The following ASH1L variants were observed in gnomAD, a reference collection of about 807,000 sequenced individuals.
The protein encoded by ASH1L is histone-lysine N-methyltransferase ASH1L.
In ASH1L, 23 loss-of-function variants were observed where a neutral mutation model predicts 269.0. That is an observed-to-expected ratio of 0.09 (90% confidence interval 0.06 to 0.12). The LOEUF is 0.12. Among genes scored for constraint, ASH1L ranks in the 10% least tolerant of loss-of-function variants. ASH1L has a pLI of 1.00. For missense variants in ASH1L, 2,912 were observed against 3,567.8 expected, an observed-to-expected ratio of 0.82 and a Z score of 4.68; for synonymous variants, 1,187 against 1,253.5, an observed-to-expected ratio of 0.95 and a Z score of 1.12.
At chr1:155,458,168 C>A (rs1467132277) in intron 4 of ASH1L, among the ~76,000 whole-genome samples, 3 of 152,168 alleles carry the variant, frequency 2.0e-5, no homozygotes, top group Non-Finnish European at 2.9e-5. Context: ...AAAAACAAAG[C>A]ACCAAGAGAG....
At chr1:155,522,739 T>C (rs1287299344) in intron 1 of ASH1L, among the ~76,000 whole-genome samples, 1 of 150,148 alleles carries the variant, frequency 6.7e-6, no homozygotes, top group East Asian at 2.0e-4. Flanking sequence ...CAGGCTGGAG[T>C]GCAGTGGCGC....
At chr1:155,459,571 C>G (rs72993448) in intron 4 of ASH1L, among the ~76,000 whole-genome samples, 282 of 152,318 alleles carry the variant, frequency 1.9e-3, no homozygotes, top group African/African-American at 6.6e-3. Context: ...CCAACACACA[C>G]TTTTACTTTA....
intron 1 of ASH1L, among the ~76,000 whole-genome samples, chr1:155,526,090 G>A (rs1014269649): frequency 2.0e-5 from 3 of 151,996 alleles, no homozygotes; most frequent in Non-Finnish European, 2.9e-5. Context: ...CACAGATAGG[G>A]AAGGCCAACT....
chr1:155,518,795 G>C (rs1374692092), intron 2 of ASH1L, among the ~76,000 whole-genome samples: 2 of 149,740 alleles, frequency 1.3e-5, no homozygotes, highest in Non-Finnish European at 3.0e-5. Context: ...AGGAGAGGTA[G>C]AGGGGAGACG....
chr1:155,429,429 CA>C (rs1282695310), intron 5 of ASH1L, among the ~76,000 whole-genome samples: 3 of 152,094 alleles, frequency 2.0e-5, no homozygotes, highest in African/African-American at 7.2e-5. Flanking sequence ...TGTGCTACCA[CA>C]ACTGGCTAAC....
At chr1:155,468,566 CTTTA>C (rs1664868308) in intron 3 of ASH1L, among the ~76,000 whole-genome samples, 1 of 151,986 alleles carries the variant, frequency 6.6e-6, no homozygotes, top group African/African-American at 2.4e-5. Context: ...TAGATATTGA[CTTTA>C]TTTTTTAGGT....
rs1288837763 is a variant in ASH1L at position 155,479,148 on chromosome 1, A to T, written c.3722T>A (p.Leu1241Gln). 1 of 1,614,004 alleles carries T rather than the reference A, an allele frequency of 6.2e-7. No individual in the cohort carries two copies. Among genetic ancestry groups the T allele is most frequent in the Admixed American group, 1.7e-5 (1 of 59,998 alleles). The change falls in exon 3 of 28, where the codon CTA (leucine) becomes CAA (glutamine). Residue 1241 changes from leucine to glutamine, a missense_variant. By Grantham distance (113) the Leu-to-Gln change is moderately radical. Around this residue, in one of 13 missense-constraint regions of ASH1L, gnomAD observed 789 missense variants for 897.6 expected, o/e 0.88. Transcript: ENST00000392403. ...TTTATGTTTTTCTTTAAGACTGCTTAGCACTGTAGAGGTTTCAGGGGGAAT... is the reference window on the plus strand; with the variant it reads ...TTTATGTTTTTCTTTAAGACTGCTTTGCACTGTAGAGGTTTCAGGGGGAAT... ...SLIPPETSTV[L>Q]SSLKEKHKHK...
At position 155,481,192 on chromosome 1, in the gene ASH1L, G is replaced by C; in HGVS notation, c.1678C>G (p.Pro560Ala). The C allele has an allele frequency of 6.2e-7, 1 of 1,613,888 alleles. No homozygotes were observed. Among genetic ancestry groups the C allele is most frequent in the Non-Finnish European group, 8.5e-7 (1 of 1,179,820 alleles). ...VGESNLPSPS[P>A]TVSVNPLTRS... ...GTTAAAGGATTAACAGATACAGTAG[G>C]TGATGGGGAAGGGAGATTGCTTTCT... The change falls in exon 3 of 28, where the codon CCT becomes GCT. Residue 560 changes from proline to alanine, a missense_variant. Transcript: ENST00000392403.
intron 1 of ASH1L, 49 bp from the exon 2 acceptor site, chr1:155,521,667 G>T: frequency 1.5e-6 from 1 of 684,850 alleles, no homozygotes; most frequent in Non-Finnish European, 2.4e-6. Context: ...GGCAACTACT[G>T]ATTAACATAA....
intron 12 of ASH1L, among the ~76,000 whole-genome samples, chr1:155,369,504 A>G (rs1655738905): frequency 6.6e-6 from 1 of 152,204 alleles, no homozygotes; most frequent in Admixed American, 6.5e-5. Flanking sequence ...TAATTTTTAA[A>G]AACTTAACAA....
chr1:155,487,321 G>A (rs1385779455), intron 2 of ASH1L, among the ~76,000 whole-genome samples: 1 of 152,048 alleles, frequency 6.6e-6, no homozygotes, highest in Non-Finnish European at 1.5e-5. Flanking sequence ...CTCATGGTAA[G>A]GACAGTAATG....
At chr1:155,436,111 A>C (rs1662067150) in intron 5 of ASH1L, among the ~76,000 whole-genome samples, 1 of 152,224 alleles carries the variant, frequency 6.6e-6, no homozygotes, top group Non-Finnish European at 1.5e-5. Context: ...ATTACATCTA[A>C]GAAATCACGG....
chr1:155,537,034 ACT>A (rs1393112569), intron 1 of ASH1L, among the ~76,000 whole-genome samples: 1 of 148,860 alleles, frequency 6.7e-6, no homozygotes, highest in African/African-American at 2.5e-5. Flanking sequence ...ACAGAGCAAG[ACT>A]CTGTCTCAAA....
chr1:155,448,103 T>A (rs1453138443), intron 4 of ASH1L, among the ~76,000 whole-genome samples: 1 of 152,216 alleles, frequency 6.6e-6, no homozygotes, highest in African/African-American at 2.4e-5. Context: ...CCAGCACTAT[T>A]TATTGAAGAG....
At chr1:155,430,363 T>C (rs1328032121) in intron 5 of ASH1L, among the ~76,000 whole-genome samples, 1 of 152,092 alleles carries the variant, frequency 6.6e-6, no homozygotes, top group Non-Finnish European at 1.5e-5. Flanking sequence ...TTCTTGAAAG[T>C]GTGGTAGAAG....
chr1:155,401,477 CAAA>C (rs545010671), intron 6 of ASH1L, among the ~76,000 whole-genome samples: 3 of 65,860 alleles, frequency 4.6e-5, no homozygotes, highest in Non-Finnish European at 6.1e-5. Flanking sequence ...GACTCCATCT[CAAA>C]AAAAAAAAAA....
intron 7 of ASH1L, among the ~76,000 whole-genome samples, chr1:155,392,839 C>T (rs1379783951): frequency 2.6e-5 from 4 of 151,356 alleles, no homozygotes; most frequent in East Asian, 3.9e-4. Context: ...TAGAATTCCT[C>T]GTCTTTTTTT....
chr1:155,462,463 A>G lies in ASH1L; in HGVS notation c.4985-2565T>C, dbSNP rs376476633. Among the ~76,000 whole-genome samples, 5 of 152,336 alleles carry G rather than the reference A, an allele frequency of 3.3e-5. No individual in the cohort carries two copies. The South Asian group carries it at 6.2e-4, about 19-fold the overall frequency. ...CCTGGCCTCACCCACCTCAGGGTAA[A>G]AAGAGGGTACAGGCACTTTCTTCAA... On this transcript the variant is annotated intron_variant, in intron 3 of 27. Coordinates refer to ENST00000392403, the MANE Select transcript of ASH1L (RefSeq NM_018489.3).
intron 3 of ASH1L, among the ~76,000 whole-genome samples, chr1:155,466,017 A>G (rs1276118635): frequency 6.6e-6 from 1 of 152,200 alleles, no homozygotes; most frequent in African/African-American, 2.4e-5. Flanking sequence ...AATGCACTAC[A>G]AGAGAGTATG....
Sources: allele counts gnomAD v4.1 joint callset (sites outside exome capture counted in the v4.1 genomes callset), GRCh38; gene constraint gnomAD v4.1.1; regional missense constraint gnomAD v4.1.1; transcripts MANE v1.5; gene names NCBI Gene and HGNC (gene_info 2026-07-23, HGNC 2026-07-21).